Variants in TCF15 observed in about 807,000 individuals in gnomAD.
TCF15 encodes the protein transcription factor 15.
A neutral mutation model predicts 11.1 loss-of-function variants in TCF15; 7 were observed. The observed-to-expected ratio is 0.63, with a 90% CI of 0.36 to 1.19. The LOEUF is 1.19. Ranked by LOEUF, TCF15 falls within the 50% of genes most tolerant of loss-of-function variation. The pLI is 0.02. For synonymous variants in TCF15, 144 were observed against 138.9 expected, an observed-to-expected ratio of 1.04 and a Z score of -0.26; for missense variants, 288 against 289.4, an observed-to-expected ratio of 1.00 and a Z score of 0.03.
rs977194239 is a variant in TCF15, at chr20:604,320, C to T, written c.*271G>A. Reference sequence around the variant, plus strand: ...TCTCTCTCACACACACTCACACTCACGCACAGATACACACACACCCTGTCA... The same window carrying T: ...TCTCTCTCACACACACTCACACTCATGCACAGATACACACACACCCTGTCA... On this transcript the variant is annotated 3_prime_UTR_variant, in exon 2 of 2. Transcript: ENST00000246080. The surrounding 1 kb of genome is among the most constrained non-coding windows in gnomAD (Gnocchi z 4.2). 7.9e-5 allele frequency: 44 copies of T among 556,410 alleles called. No individual in the cohort carries two copies. Among genetic ancestry groups the T allele is most frequent in the African/African-American group, 5.5e-4 (29 of 52,868 alleles). The allele number at this position is 556,410 out of a possible 1,614,324, so 34.5% of individuals were successfully genotyped here. A position where few individuals can be genotyped will look rare whatever the true frequency, so the allele number is the denominator to read the frequency against.
chr20:609,832 C>A lies in TCF15; in HGVS notation c.406G>T (p.Asp136Tyr), dbSNP rs753086208. The A allele has an allele frequency of 1.9e-5, 29 of 1,520,062 alleles. No individual in the cohort carries two copies. Among genetic ancestry groups the A allele is most frequent in the Non-Finnish European group, 2.5e-5 (29 of 1,145,032 alleles). The allele number at this position is 1,520,062 out of a possible 1,614,324, so 94.2% of individuals were successfully genotyped here. ...NVLLLGDSAD[D>Y]GQPCFRAAGS... Reference sequence around the variant, plus strand: ...GCGGCACGGAAGCACGGCTGCCCGTCGTCGGCCGAGTCGCCCAGCAGCAGC... The same window carrying A: ...GCGGCACGGAAGCACGGCTGCCCGTAGTCGGCCGAGTCGCCCAGCAGCAGC... Residue 136 changes from aspartate (D) to tyrosine (Y), a missense_variant, in exon 1 of 2, where the codon GAC becomes TAC. Asp to Tyr is a radical substitution (Grantham distance 160). Coordinates refer to ENST00000246080, the MANE Select transcript of TCF15 (RefSeq NM_004609.4). This position sits in a 1 kb window ranked among gnomAD's most constrained non-coding sequence, Gnocchi z 4.7.
intron 1 of TCF15, among the ~76,000 whole-genome samples, chr20:607,306 C>A (rs1176396296): frequency 6.6e-6 from 1 of 152,178 alleles, no homozygotes; most frequent in Non-Finnish European, 1.5e-5. Flanking sequence ...GAGGGCCACA[C>A]CTAACCCCTC....
At chr20:605,143 G>C (rs547658495) in intron 1 of TCF15, among the ~76,000 whole-genome samples, 17 of 152,072 alleles carry the variant, frequency 1.1e-4, no homozygotes, top group African/African-American at 4.1e-4. Context: ...GGGGCCCACC[G>C]CCACACCCGG....
chr20:605,608 G>T (rs1410453694), intron 1 of TCF15, among the ~76,000 whole-genome samples: 2 of 152,184 alleles, frequency 1.3e-5, no homozygotes, highest in African/African-American at 4.8e-5. Flanking sequence ...GGCTCTCTTG[G>T]CCCAGGACCT....
chr20:608,369 T>C (rs921890818), intron 1 of TCF15, among the ~76,000 whole-genome samples: 5 of 152,086 alleles, frequency 3.3e-5, no homozygotes, highest in African/African-American at 1.2e-4. Context: ...AATGAATGGG[T>C]GAAAGGCAGT....
chr20:609,400 T>C lies in TCF15; in HGVS notation c.525+313A>G, dbSNP rs1405517059. On this transcript the variant is annotated intron_variant, in intron 1 of 1. Transcript: ENST00000246080. This position sits in a 1 kb window ranked among gnomAD's most constrained non-coding sequence, Gnocchi z 4.7. ...GCACAGAGGAAGACTCCATAAAAGA[T>C]GGGTCTTTGTTACTCAGTCCTCATG... is the stretch of plus-strand genomic sequence containing the variant. Among the ~76,000 whole-genome samples, 1 of 152,344 alleles carries C rather than the reference T, an allele frequency of 6.6e-6. No homozygotes were observed. Among genetic ancestry groups the C allele is most frequent in the East Asian group, 1.9e-4 (1 of 5,188 alleles).
At chr20:607,068 C>T (rs895635567) in intron 1 of TCF15, among the ~76,000 whole-genome samples, 4 of 152,172 alleles carry the variant, frequency 2.6e-5, no homozygotes, top group African/African-American at 9.7e-5. Context: ...CTAGGTAAAG[C>T]CTTGGCACAG....
chr20:604,681 AAG>A lies in TCF15; in HGVS notation c.526-18_526-17del. The A allele has an allele frequency of 6.5e-7, 1 of 1,543,744 alleles. No homozygotes were observed. The highest frequency in any genetic ancestry group is 1.4e-5 in the African/African-American group (1 of 72,682). On this transcript the variant is annotated splice_polypyrimidine_tract_variant and intron_variant, in intron 1 of 1. Coordinates refer to ENST00000246080, the MANE Select transcript of TCF15 (RefSeq NM_004609.4). This position sits in a 1 kb window ranked among gnomAD's most constrained non-coding sequence, Gnocchi z 4.2. ...GACGGCCACCCTGCAGAGGGGGAGAAAGAGTATAAAGAGGTTCGATTAGGCCA... is the reference window on the plus strand; with the variant it reads ...GACGGCCACCCTGCAGAGGGGGAGAAAGTATAAAGAGGTTCGATTAGGCCA...
At chr20:607,835 C>T (rs2019989809) in intron 1 of TCF15, among the ~76,000 whole-genome samples, 1 of 152,246 alleles carries the variant, frequency 6.6e-6, no homozygotes, top group African/African-American at 2.4e-5. Context: ...CCACTGGCAG[C>T]ACCTCTAAGC....
rs74509986 is a variant in TCF15 at position 604,321 on chromosome 20, G to T, written c.*270C>A. On this transcript the variant is annotated 3_prime_UTR_variant, in exon 2 of 2. Coordinates refer to ENST00000246080, the MANE Select transcript of TCF15 (RefSeq NM_004609.4). This position sits in a 1 kb window ranked among gnomAD's most constrained non-coding sequence, Gnocchi z 4.2. Reference sequence around the variant, plus strand: ...CTCTCTCACACACACTCACACTCACGCACAGATACACACACACCCTGTCAC... The same window carrying T: ...CTCTCTCACACACACTCACACTCACTCACAGATACACACACACCCTGTCAC... The T allele has an allele frequency of 1.8e-3, 972 of 552,868 alleles. 7 individuals carry two copies. Among genetic ancestry groups the T allele is most frequent in the African/African-American group, 0.016 (870 of 52,796 alleles). The allele number at this position is 552,868 out of a possible 1,614,324, so 34.2% of individuals were successfully genotyped here.
chr20:605,664 C>T (rs1215967677), intron 1 of TCF15, among the ~76,000 whole-genome samples: 4 of 152,204 alleles, frequency 2.6e-5, no homozygotes, highest in African/African-American at 9.7e-5. Flanking sequence ...TAAGTGGCAG[C>T]CATTGGAAGA....
Position 606,099 on chromosome 20 carries a change from G to A in TCF15, c.526-1434C>T, listed in dbSNP as rs145211823. ...GGTTGGGGCAGATCCATCCAGATGC[G>A]AGCCCAGCCTCCCTCGAGGCTCTTG... On this transcript the variant is annotated intron_variant, in intron 1 of 1. Transcript: ENST00000246080. Among the ~76,000 whole-genome samples, 281 of 151,858 alleles carry A rather than the reference G, an allele frequency of 1.9e-3. 1 individual carries two copies. The highest frequency in any genetic ancestry group is 6.3e-3 in the African/African-American group (260 of 41,374).
intron 1 of TCF15, among the ~76,000 whole-genome samples, chr20:608,756 C>T (rs372580379): frequency 6.6e-6 from 1 of 152,346 alleles, no homozygotes; most frequent in African/African-American, 2.4e-5. Flanking sequence ...TCAGTACTCT[C>T]TCAGCCTCAG....
In TCF15 at chr20:604,610, A is replaced by AG. The variant is rs893600274; in HGVS notation, c.580dup (p.Leu194ProfsTer90). On this transcript the variant is annotated frameshift_variant, in exon 2 of 2. Coordinates refer to ENST00000246080, the MANE Select transcript of TCF15 (RefSeq NM_004609.4). LOFTEE classifies it high-confidence loss of function. This position sits in a 1 kb window ranked among gnomAD's most constrained non-coding sequence, Gnocchi z 4.2. ...CCAGGCTCATCTCCGTGGCCCTCGA[A>AG]GGGGGGCCACCCCCCTCACCTTCAA... The AG allele has an allele frequency of 1.9e-6, 3 of 1,553,300 alleles. No homozygotes were observed. Among genetic ancestry groups the AG allele is most frequent in the African/African-American group, 2.7e-5 (2 of 73,094 alleles).
Position 610,231 on chromosome 20 carries a change from A to T in TCF15, c.7T>A (p.Phe3Ile), listed in dbSNP as rs976910629. 2.0e-6 allele frequency: 2 copies of T among 1,003,628 alleles called. No homozygotes were observed. Among genetic ancestry groups the T allele is most frequent in the Admixed American group, 6.0e-5 (1 of 16,724 alleles). 62.2% of individuals were successfully genotyped at this position (1,003,628 alleles called of 1,614,324 possible). Residue 3 changes from phenylalanine to isoleucine, a missense_variant, in exon 1 of 2, where the codon TTC (phenylalanine) becomes ATC (isoleucine). Coordinates refer to ENST00000246080, the MANE Select transcript of TCF15 (RefSeq NM_004609.4). ...GCGCCGACGGGCCGCAGCAGCGCGA[A>T]CGCCATGGGCGCCGGCCGCGTCCCT... MA[F>I]ALLRPVGAHV...
chr20:605,248 A>G lies in TCF15; in HGVS notation c.526-583T>C, dbSNP rs567188265. On this transcript the variant is annotated intron_variant, in intron 1 of 1. Coordinates refer to ENST00000246080, the MANE Select transcript of TCF15 (RefSeq NM_004609.4). ...AAAAATCCAATATATTTTAAAGCAT[A>G]ATATTTTACACGGGCAAAACAAGCA... Among the ~76,000 whole-genome samples the G allele has an allele frequency of 5.3e-5, 8 of 152,208 alleles. 1 individual carries two copies. The South Asian group carries it at 1.7e-3, about 32-fold the overall frequency.
intron 1 of TCF15, among the ~76,000 whole-genome samples, chr20:607,772 C>T (rs541988209): frequency 6.6e-6 from 1 of 152,358 alleles, no homozygotes; most frequent in African/African-American, 2.4e-5. Context: ...ACGTCCCAAC[C>T]AGGCAGGCCT....
intron 1 of TCF15, among the ~76,000 whole-genome samples, chr20:606,793 G>A (rs2019979406): frequency 6.6e-6 from 1 of 151,354 alleles, no homozygotes; most frequent in African/African-American, 2.4e-5. Context: ...ACTCCAGCCT[G>A]GGCGACAGAG....
chr20:610,062 G>T lies in TCF15; in HGVS notation c.176C>A (p.Ala59Glu). The change falls in exon 1 of 2, where the codon GCG becomes GAG. Residue 59 changes from alanine to glutamate, a missense_variant. Transcript: ENST00000246080. ...GGGGCCCGCGCCGCCGCCGCCGCCC[G>T]CCCGCCGCCCGCCCCCGGGGCCCGG... ...RGPGPGGGRR[A>E]GGGGGAGPVV... is the part of the protein sequence containing the mutation. 9.7e-7 allele frequency: 1 copy of T among 1,026,608 alleles called. No homozygotes were observed. Among genetic ancestry groups the T allele is most frequent in the South Asian group, 4.4e-5 (1 of 22,522 alleles). The allele number at this position is 1,026,608 out of a possible 1,614,324, so 63.6% of individuals were successfully genotyped here. A position where few individuals can be genotyped will look rare whatever the true frequency, so the allele number is the denominator to read the frequency against.
Sources: gnomAD v4.1 joint callset for allele counts (sites outside exome capture counted in the v4.1 genomes callset) on GRCh38, gnomAD v4.1.1 for gene constraint, Gnocchi (gnomAD v3.1) non-coding constraint, MANE v1.5 for transcripts, NCBI Gene and HGNC (gene_info 2026-07-23, HGNC 2026-07-21) for gene names.